MTERF4: variants seen among roughly 807,000 people sequenced by gnomAD.
MTERF4 encodes mitochondrial transcription termination factor 4.
In MTERF4, 17 loss-of-function variants were observed where a neutral mutation model predicts 22.5. That is an observed-to-expected ratio of 0.75 (90% confidence interval 0.52 to 1.13). MTERF4 has a LOEUF of 1.13. MTERF4 is among the 50% of genes most tolerant of loss of function. The pLI, the probability that MTERF4 is intolerant of heterozygous loss-of-function variation, is 0.00. For synonymous variants in MTERF4, 165 were observed against 175.3 expected (o/e 0.94, Z 0.47); for missense variants, 420 against 466.8 (o/e 0.90, Z 0.92).
At chr2:241,056,535 A>G in the MTERF4 span, among the ~76,000 whole-genome samples, 1 of 152,058 alleles carries the variant, frequency 6.6e-6, no homozygotes, top group Admixed American at 6.6e-5. Context: ...CAGATCAGAG[A>G]GAAAAAATAA....
chr2:241,065,554 A>G, the MTERF4 span: 15 of 1,612,798 alleles, frequency 9.3e-6, no homozygotes, highest in Non-Finnish European at 1.1e-5. Flanking sequence ...AGTAACAACA[A>G]GAATGACATC....
chr2:241,048,542 G>T, the MTERF4 span: 343 of 1,491,104 alleles, frequency 2.3e-4, 2 homozygotes, highest in African/African-American at 4.0e-3. Context: ...AAAGAAACGT[G>T]TGAGTGCGCG....
downstream of MTERF4, chr2:241,069,812 C>A: frequency 7.8e-7 from 1 of 1,285,912 alleles, no homozygotes; most frequent in South Asian, 1.4e-5. The surrounding 1 kb of genome is among the most constrained non-coding windows in gnomAD (Gnocchi z 4.9). Context: ...AATAAAGAAT[C>A]TGGCTTCCAG....
At chr2:241,058,660 T>C in the MTERF4 span, among the ~76,000 whole-genome samples, 1 of 152,186 alleles carries the variant, frequency 6.6e-6, no homozygotes, top group Non-Finnish European at 1.5e-5. Flanking sequence ...GAAAAGATCA[T>C]TAAAATTGGG....
At chr2:241,070,228 G>A (rs2062638875), downstream of MTERF4, 4 of 1,579,544 alleles carry the variant, frequency 2.5e-6, no homozygotes, top group Non-Finnish European at 2.6e-6. Context: ...CTGCGCGTGG[G>A]CGGGGCCAGT....
chr2:241,082,298 C>A, downstream of MTERF4: 2 of 1,613,306 alleles, frequency 1.2e-6, no homozygotes, highest in Non-Finnish European at 1.7e-6. Context: ...GTGTCCCGCC[C>A]CTGCACAAGG....
downstream of MTERF4, chr2:241,069,823 C>G: frequency 7.1e-7 from 1 of 1,401,368 alleles, no homozygotes; most frequent in Non-Finnish European, 9.7e-7. This position sits in a 1 kb window ranked among gnomAD's most constrained non-coding sequence, Gnocchi z 4.9. Flanking sequence ...TGGCTTCCAG[C>G]AAGGCTGCGG....
chr2:241,087,530 G>A (rs1559316827), downstream of MTERF4: 9 of 1,549,902 alleles, frequency 5.8e-6, no homozygotes, highest in Admixed American at 7.9e-5. Flanking sequence ...ACAGGGTGAT[G>A]GGGCAAGGGC....
chr2:241,066,768 G>A, the MTERF4 span, among the ~76,000 whole-genome samples: 1 of 152,192 alleles, frequency 6.6e-6, no homozygotes, highest in Admixed American at 6.5e-5. Flanking sequence ...GTTCTCACAG[G>A]AGGAAAGCCT....
the MTERF4 span, among the ~76,000 whole-genome samples, chr2:241,050,552 C>T: frequency 6.6e-6 from 1 of 152,214 alleles, no homozygotes. Flanking sequence ...GTGGAGCCTT[C>T]CACGGCCCCT....
chr2:241,053,029 CG>C, the MTERF4 span: 1 of 899,916 alleles, frequency 1.1e-6, no homozygotes, highest in South Asian at 1.7e-5. Flanking sequence ...CACCTTTCCC[CG>C]GTGAAGGGCA....
rs771409528 is a variant in MTERF4 at position 241,096,809 on chromosome 2, C to G, written c.706-371G>C. On this transcript the variant is annotated intron_variant, in intron 3 of 3. Coordinates refer to ENST00000391980, the MANE Select transcript of MTERF4 (RefSeq NM_182501.4). The surrounding 1 kb of genome is among the most constrained non-coding windows in gnomAD (Gnocchi z 5.1). ...CGACCTAAGTTGTCATAATTATTACCAAAAAATCGGACAACTGTTAAAATT... is the reference window on the plus strand; with the variant it reads ...CGACCTAAGTTGTCATAATTATTACGAAAAAATCGGACAACTGTTAAAATT... The G allele has an allele frequency of 3.8e-6, 2 of 520,810 alleles. No homozygotes were observed. Among genetic ancestry groups the G allele is most frequent in the Non-Finnish European group, 7.1e-6 (2 of 281,520 alleles). The allele number at this position is 520,810 out of a possible 1,614,324, so 32.3% of individuals were successfully genotyped here. A position where few individuals can be genotyped will look rare whatever the true frequency, so the allele number is the denominator to read the frequency against.
the MTERF4 span, among the ~76,000 whole-genome samples, chr2:241,047,051 G>A: frequency 6.6e-6 from 1 of 150,902 alleles, no homozygotes; most frequent in East Asian, 2.0e-4. Flanking sequence ...GCTGAGGCAG[G>A]AGAATCACTT....
chr2:241,074,009 CTCCTGGTTCTAA>C (rs1268682889), exon 5 of MTERF4: 1 of 153,058 alleles, frequency 6.5e-6, no homozygotes, highest in African/African-American at 2.4e-5. Context: ...CTCTACCTTT[CTCCTGGTTCTAA>C]TCCTTTGGGG....
the MTERF4 span, among the ~76,000 whole-genome samples, chr2:241,057,688 A>G: frequency 6.6e-6 from 1 of 152,190 alleles, no homozygotes; most frequent in South Asian, 2.1e-4. Flanking sequence ...TCTCTAAAAA[A>G]TTAAAAATTA....
the MTERF4 span, among the ~76,000 whole-genome samples, chr2:241,044,078 A>G: frequency 6.6e-6 from 1 of 152,222 alleles, no homozygotes; most frequent in Non-Finnish European, 1.5e-5. Context: ...CAGCTAATAA[A>G]CCAATTGTGG....
At chr2:241,051,709 G>T in the MTERF4 span, 1 of 1,429,356 alleles carries the variant, frequency 7.0e-7, no homozygotes. This position sits in a 1 kb window ranked among gnomAD's most constrained non-coding sequence, Gnocchi z 4.7. Context: ...CAGCAGCCTG[G>T]CCCCGTTCAT....
chr2:241,050,034 TG>T, the MTERF4 span: 1 of 827,412 alleles, frequency 1.2e-6, no homozygotes, highest in Non-Finnish European at 2.1e-6. Flanking sequence ...TTTCGCGAAT[TG>T]CTGACCTCGT....
intron 4 of MTERF4, chr2:241,081,629 C>T (rs1316359466): frequency 2.2e-6 from 3 of 1,366,564 alleles, no homozygotes; most frequent in Non-Finnish European, 3.1e-6. Context: ...ATGAGGCAGG[C>T]CTGTCCTGGG....
Sources: allele counts gnomAD v4.1 joint callset (sites outside exome capture counted in the v4.1 genomes callset), GRCh38; gene constraint gnomAD v4.1.1; non-coding constraint Gnocchi (gnomAD v3.1); transcripts MANE v1.5; gene names NCBI Gene and HGNC (gene_info 2026-07-23, HGNC 2026-07-21).